Variants in CACNB2 observed in about 807,000 individuals in gnomAD.
CACNB2 encodes voltage-dependent L-type calcium channel subunit beta-2.
In CACNB2, 42 loss-of-function variants were observed where a neutral mutation model predicts 73.3. The ratio of observed to expected loss-of-function variants is 0.57; its 90% CI spans 0.45 to 0.74. The LOEUF is 0.74. CACNB2 is among the 30% of genes least tolerant of loss of function. The probability of loss-of-function intolerance (pLI) is 0.00; values close to 1 mark genes in which losing one functional copy is unlikely to be tolerated. For missense variants in CACNB2, 940 were observed against 853.0 expected (o/e 1.10, Z -1.27); for synonymous variants, 348 against 310.3 (o/e 1.12, Z -1.28).
At chr10:18,236,196 T>G (rs1176122622) in intron 2 of CACNB2, among the ~76,000 whole-genome samples, 1 of 152,204 alleles carries the variant, frequency 6.6e-6, no homozygotes, top group Non-Finnish European at 1.5e-5. Flanking sequence ...GGCTCCAGTG[T>G]GACTGCAGCC....
intron 8 of CACNB2, 122 bp from the exon 9 acceptor site, chr10:18,518,788 T>C: frequency 1.2e-6 from 1 of 867,816 alleles, no homozygotes; most frequent in Non-Finnish European, 1.9e-6. Flanking sequence ...CAACCTCATA[T>C]TGCCACTCTT....
At chr10:18,486,907 A>T (rs1356570072) in intron 3 of CACNB2, among the ~76,000 whole-genome samples, 4 of 152,172 alleles carry the variant, frequency 2.6e-5, no homozygotes, top group Non-Finnish European at 5.9e-5. Context: ...ACGTGGAAGA[A>T]ATGAGTTTAA....
intron 2 of CACNB2, among the ~76,000 whole-genome samples, chr10:18,310,031 G>A (rs1232522590): frequency 6.6e-6 from 1 of 152,086 alleles, no homozygotes; most frequent in Non-Finnish European, 1.5e-5. Context: ...AAAAATGATG[G>A]CAGTGCTGCT....
chr10:18,313,449 G>T (rs987121892), intron 2 of CACNB2, among the ~76,000 whole-genome samples: 1 of 151,228 alleles, frequency 6.6e-6, no homozygotes, highest in African/African-American at 2.4e-5. Context: ...CCTGGGAAAG[G>T]CAAAATTACC....
At chr10:18,150,228 A>G (rs368487321) in intron 1 of CACNB2, among the ~76,000 whole-genome samples, 1 of 152,362 alleles carries the variant, frequency 6.6e-6, no homozygotes, top group East Asian at 1.9e-4. Flanking sequence ...TATCGAAACA[A>G]ATCATCTTAC....
At chr10:18,523,513 TTTAA>T (rs1356864783) in intron 9 of CACNB2, among the ~76,000 whole-genome samples, 1 of 152,222 alleles carries the variant, frequency 6.6e-6, no homozygotes, top group African/African-American at 2.4e-5. Context: ...TTTCATATGG[TTTAA>T]TTAATAGACC....
chr10:18,232,319 T>A (rs1177944720), intron 2 of CACNB2, among the ~76,000 whole-genome samples: 1 of 151,934 alleles, frequency 6.6e-6, no homozygotes, highest in Non-Finnish European at 1.5e-5. Context: ...TGCAGAAGAG[T>A]GAACTTAGGA....
intron 2 of CACNB2, among the ~76,000 whole-genome samples, chr10:18,183,676 C>G (rs1000400089): frequency 2.0e-5 from 3 of 152,174 alleles, no homozygotes; most frequent in African/African-American, 7.2e-5. Flanking sequence ...CTGGGTCCCT[C>G]CCATGACATG....
chr10:18,142,337 G>A (rs1428862423), intron 1 of CACNB2, among the ~76,000 whole-genome samples: 2 of 152,214 alleles, frequency 1.3e-5, no homozygotes, highest in African/African-American at 2.4e-5. Context: ...TGCTTCACAA[G>A]CCGAGTAGGG....
chr10:18,512,475 T>C (rs1236366293), intron 6 of CACNB2, among the ~76,000 whole-genome samples: 5 of 152,226 alleles, frequency 3.3e-5, no homozygotes, highest in African/African-American at 1.2e-4. Flanking sequence ...TTTTCTCAAA[T>C]GTCTGTTGCA....
intron 2 of CACNB2, among the ~76,000 whole-genome samples, chr10:18,294,951 G>A (rs1288129810): frequency 1.3e-5 from 2 of 152,206 alleles, no homozygotes; most frequent in East Asian, 3.8e-4. Flanking sequence ...AAGGTTATAG[G>A]TGACAGGAGA....
intron 2 of CACNB2, among the ~76,000 whole-genome samples, chr10:18,235,696 C>G (rs1309526678): frequency 6.6e-6 from 1 of 152,126 alleles, no homozygotes; most frequent in African/African-American, 2.4e-5. Context: ...ACTGACTGGT[C>G]TTGGCTCTGC....
rs555169735 is a variant in CACNB2 at position 18,542,758 on chromosome 10, T to G, written c.*3034T>G. On this transcript the variant is annotated 3_prime_UTR_variant, in exon 14 of 14. Transcript: ENST00000324631. ...AAATAATCTCAAGGGCAATGGGATA[T>G]TTACTGACCTGCGGAATGTAAAGTT... The G allele has an allele frequency of 6.6e-6, 1 of 152,276 alleles. No individual in the cohort carries two copies. The highest frequency in any genetic ancestry group is 2.4e-5 in the African/African-American group (1 of 41,560). The allele number at this position is 152,276 out of a possible 1,614,324, so 9.4% of individuals were successfully genotyped here. A position where few individuals can be genotyped will look rare whatever the true frequency, so the allele number is the denominator to read the frequency against.
In CACNB2 at chr10:18,542,260, C is replaced by G. The variant is rs1262338232; in HGVS notation, c.*2536C>G. ...ATATATGAAAAAATTTCCCTCAGTT[C>G]GTTAATTAGCCCTACACTGTTTACA... On this transcript the variant is annotated 3_prime_UTR_variant, in exon 14 of 14. Coordinates refer to ENST00000324631, the MANE Select transcript of CACNB2 (RefSeq NM_201596.3). 6.6e-6 allele frequency: 1 copy of G among 152,054 alleles called. No individual in the cohort carries two copies. Among genetic ancestry groups the G allele is most frequent in the Non-Finnish European group, 1.5e-5 (1 of 68,008 alleles). 9.4% of individuals were successfully genotyped at this position (152,054 alleles called of 1,614,324 possible). A position where few individuals can be genotyped will look rare whatever the true frequency, so the allele number is the denominator to read the frequency against.
intron 10 of CACNB2, among the ~76,000 whole-genome samples, chr10:18,528,291 A>G (rs1352943508): frequency 6.6e-6 from 1 of 152,202 alleles, no homozygotes; most frequent in African/African-American, 2.4e-5. Flanking sequence ...GTAGGGAGTT[A>G]TTGTGTTTAC....
chr10:18,159,689 C>G (rs547582690), intron 2 of CACNB2, among the ~76,000 whole-genome samples: 1 of 152,308 alleles, frequency 6.6e-6, no homozygotes, highest in African/African-American at 2.4e-5. Context: ...CAGAGGCACA[C>G]AGTCTATTTT....
At chr10:18,500,439 T>A (rs956725451) in intron 4 of CACNB2, among the ~76,000 whole-genome samples, 7 of 152,158 alleles carry the variant, frequency 4.6e-5, no homozygotes, top group African/African-American at 1.4e-4. Flanking sequence ...ATAATTCCAA[T>A]TGGTCTGATT....
chr10:18,396,380 A>G (rs1453530784), intron 2 of CACNB2, among the ~76,000 whole-genome samples: 1 of 152,250 alleles, frequency 6.6e-6, no homozygotes, highest in African/African-American at 2.4e-5. Context: ...TGACAACACC[A>G]TGAAAAATGA....
intron 3 of CACNB2, among the ~76,000 whole-genome samples, chr10:18,426,332 G>A (rs965685841): frequency 1.1e-4 from 17 of 152,270 alleles, no homozygotes; most frequent in African/African-American, 3.8e-4. Flanking sequence ...TTTGTTTCTA[G>A]ATATGTTAAT....
Sources: gnomAD v4.1 joint callset for allele counts (sites outside exome capture counted in the v4.1 genomes callset) on GRCh38, gnomAD v4.1.1 for gene constraint, MANE v1.5 for transcripts, NCBI Gene and HGNC (gene_info 2026-07-23, HGNC 2026-07-21) for gene names.